PRDM2: variants seen among roughly 807,000 people sequenced by gnomAD.
PRDM2 encodes PR/SET domain 2.
Under a neutral mutation model 130.0 loss-of-function variants are expected in PRDM2, and 30 were observed. That is an observed-to-expected ratio of 0.23 (90% CI 0.17 to 0.31). The LOEUF (loss-of-function observed/expected upper bound fraction) is 0.31, where lower values mean the gene tolerates loss of function less well. PRDM2 is among the 10% of genes least tolerant of loss of function. PRDM2 has a pLI of 1.00. For missense variants in PRDM2, 2,011 were observed against 2,108.4 expected (o/e 0.95, Z 0.90); for synonymous variants, 871 against 782.4 (o/e 1.11, Z -1.89).
Position 13,822,685 on chromosome 1 carries a change from C to T in PRDM2, c.*24-474C>T, listed in dbSNP as rs560474236. Among the ~76,000 whole-genome samples the T allele has an allele frequency of 9.5e-4, 145 of 152,218 alleles. 1 individual carries two copies. In the Middle Eastern group the frequency reaches 0.01, roughly 11 times the overall value. Reference sequence around the variant, plus strand: ...GGGATTACAGTCGTGAGCCACCGCGCCTGGCCGAGGTGGTGTCTTTCTATA... The same window carrying T: ...GGGATTACAGTCGTGAGCCACCGCGTCTGGCCGAGGTGGTGTCTTTCTATA... On this transcript the variant is annotated intron_variant, in intron 9 of 9. Transcript: ENST00000311066.
intron 7 of PRDM2, among the ~76,000 whole-genome samples, chr1:13,777,170 T>C (rs1644493342): frequency 6.6e-6 from 1 of 152,092 alleles, no homozygotes; most frequent in Non-Finnish European, 1.5e-5. Flanking sequence ...CTCTTCTCTC[T>C]CACCACAGCC....
chr1:13,748,528 G>GT (rs1298238381), intron 5 of PRDM2, among the ~76,000 whole-genome samples: 8 of 152,118 alleles, frequency 5.3e-5, no homozygotes, highest in African/African-American at 1.9e-4. Context: ...TGATACCCTT[G>GT]TAACTTTTTT....
At chr1:13,743,174 C>T (rs370073969) in intron 5 of PRDM2, among the ~76,000 whole-genome samples, 47 of 151,990 alleles carry the variant, frequency 3.1e-4, no homozygotes, top group East Asian at 2.3e-3. Context: ...CCAAGGCGGG[C>T]GGATCATGAG....
At chr1:13,729,400 G>A (rs939818829) in intron 2 of PRDM2, among the ~76,000 whole-genome samples, 1 of 152,150 alleles carries the variant, frequency 6.6e-6, no homozygotes, top group Non-Finnish European at 1.5e-5. Context: ...GTGCTGATAG[G>A]ACATCACTCT....
At chr1:13,720,174 A>C (rs1443930226) in intron 2 of PRDM2, among the ~76,000 whole-genome samples, 3 of 152,236 alleles carry the variant, frequency 2.0e-5, no homozygotes, top group Non-Finnish European at 2.9e-5. Flanking sequence ...AATTTAAATG[A>C]GACGCTAATA....
intron 6 of PRDM2, among the ~76,000 whole-genome samples, chr1:13,764,744 G>C (rs1644184077): frequency 6.6e-6 from 1 of 152,232 alleles, no homozygotes; most frequent in South Asian, 2.1e-4. Flanking sequence ...GCAATCTGCA[G>C]AACTGCAAAA....
rs747222187 is a variant in PRDM2, at chr1:13,782,555, T to C, written c.4760T>C (p.Val1587Ala). The C allele has an allele frequency of 5.6e-6, 9 of 1,614,160 alleles. No homozygotes were observed. The highest frequency in any genetic ancestry group is 7.6e-6 in the Non-Finnish European group (9 of 1,180,032). ...ATAAGAATGGCCAAAATAACTCATGTTGAGGGGAAAAAACCTAAAGCTGTG... is the reference window on the plus strand; with the variant it reads ...ATAAGAATGGCCAAAATAACTCATGCTGAGGGGAAAAAACCTAAAGCTGTG... ...SPIRMAKITH[V>A]EGKKPKAVAK... Residue 1587 changes from valine to alanine, a missense_variant, in exon 8 of 10, where the codon GTT (valine) becomes GCT (alanine). Val to Ala is a moderately conservative substitution (Grantham distance 64). Around this residue, in one of 5 missense-constraint regions of PRDM2, gnomAD observed 410 missense variants for 395.9 expected, o/e 1.04. Coordinates refer to ENST00000311066, the MANE Select transcript of PRDM2 (RefSeq NM_001393986.1).
chr1:13,727,199 T>C (rs1261225874), intron 2 of PRDM2, among the ~76,000 whole-genome samples: 2 of 152,160 alleles, frequency 1.3e-5, no homozygotes, highest in Non-Finnish European at 2.9e-5. Context: ...ACAGATTCCC[T>C]TTCTACTTCT....
At chr1:13,758,269 C>A (rs1051489257) in intron 6 of PRDM2, among the ~76,000 whole-genome samples, 6 of 151,840 alleles carry the variant, frequency 4.0e-5, no homozygotes, top group African/African-American at 9.7e-5. Context: ...CATGGTAAAA[C>A]CCCGTCTCTA....
intron 6 of PRDM2, chr1:13,769,306 C>T: frequency 9.1e-6 from 3 of 330,802 alleles, no homozygotes; most frequent in Non-Finnish European, 1.3e-5. Context: ...AATTTGATGA[C>T]ATATAGGACA....
At chr1:13,786,583 C>CTT in intron 8 of PRDM2, 2 of 1,602,496 alleles carry the variant, frequency 1.2e-6, no homozygotes, top group African/African-American at 1.3e-5. Flanking sequence ...GCATGCTCAA[C>CTT]TTAGGATAAG....
intron 5 of PRDM2, 53 bp from the exon 6 acceptor site, chr1:13,749,307 CG>C: frequency 7.5e-7 from 1 of 1,341,042 alleles, no homozygotes; most frequent in Non-Finnish European, 9.8e-7. Context: ...GCCCCGCCCC[CG>C]CCAACAACCG....
At chr1:13,705,419 T>C (rs894277633) in intron 1 of PRDM2, 1 of 152,170 alleles carries the variant, frequency 6.6e-6, no homozygotes, top group African/African-American at 2.4e-5. Flanking sequence ...CTTAGGCGTT[T>C]TGACCTTCCC....
intron 8 of PRDM2, among the ~76,000 whole-genome samples, chr1:13,795,269 G>T (rs1034528930): frequency 6.6e-6 from 1 of 152,152 alleles, no homozygotes; most frequent in African/African-American, 2.4e-5. Flanking sequence ...TAAATAAAGG[G>T]CTTTCCATGT....
Position 13,782,543 on chromosome 1 carries a change from A to G in PRDM2, c.4748A>G (p.Lys1583Arg), listed in dbSNP as rs1263155206. The change falls in exon 8 of 10, where the codon AAA becomes AGA. Residue 1583 changes from lysine (K) to arginine (R), a missense_variant. Around this residue, in one of 5 missense-constraint regions of PRDM2, gnomAD observed 410 missense variants for 395.9 expected, o/e 1.04. Transcript: ENST00000311066. ...LRNSSPIRMAKITHVEGKKPK... is the reference protein window; with the variant it reads ...LRNSSPIRMARITHVEGKKPK... ...AACTCCAGCCCGATAAGAATGGCCA[A>G]AATAACTCATGTTGAGGGGAAAAAA... is the stretch of plus-strand genomic sequence containing the variant. The G allele has an allele frequency of 6.2e-7, 1 of 1,614,202 alleles. No individual in the cohort carries two copies. Among genetic ancestry groups the G allele is most frequent in the Non-Finnish European group, 8.5e-7 (1 of 1,180,038 alleles).
chr1:13,813,047 A>G (rs1645198374), intron 8 of PRDM2, among the ~76,000 whole-genome samples: 2 of 152,176 alleles, frequency 1.3e-5, no homozygotes. Flanking sequence ...TCCTGGGGTG[A>G]TGACTTCTCC....
chr1:13,749,492 G>T lies in PRDM2; in HGVS notation c.511+5G>T. 7.1e-7 allele frequency: 1 copy of T among 1,404,032 alleles called. No homozygotes were observed. The highest frequency in any genetic ancestry group is 3.7e-5 in the East Asian group (1 of 27,210). 87.0% of individuals were successfully genotyped at this position (1,404,032 alleles called of 1,614,324 possible). On this transcript the variant is annotated splice_donor_5th_base_variant and intron_variant, in intron 6 of 9. Transcript: ENST00000311066. ...GCTCCCCCAAGAGCCGGAAAGGTAG[G>T]AGCCCCCCGGCCCGCCCGCCCGGCC...
At chr1:13,712,944 A>G (rs1284029731) in intron 1 of PRDM2, among the ~76,000 whole-genome samples, 2 of 152,092 alleles carry the variant, frequency 1.3e-5, no homozygotes, top group Non-Finnish European at 2.9e-5. Context: ...TGCACCAGCC[A>G]CACCAACATC....
At chr1:13,727,297 C>A (rs1174762801) in intron 2 of PRDM2, among the ~76,000 whole-genome samples, 1 of 152,158 alleles carries the variant, frequency 6.6e-6, no homozygotes, top group African/African-American at 2.4e-5. Flanking sequence ...GTCTGTCAGC[C>A]AGGCTGGAGT....
Sources: allele counts gnomAD v4.1 joint callset (sites outside exome capture counted in the v4.1 genomes callset), GRCh38; gene constraint gnomAD v4.1.1; regional missense constraint gnomAD v4.1.1; transcripts MANE v1.5; gene names NCBI Gene and HGNC (gene_info 2026-07-23, HGNC 2026-07-21).